The following BBS7 variants were observed in gnomAD, a reference collection of about 807,000 sequenced individuals.
The protein encoded by BBS7 is Bardet-Biedl syndrome 7, also known as BBSome complex member BBS7.
BBS7 carries 50 observed loss-of-function variants against 90.3 expected under a neutral mutation model. That is an observed-to-expected ratio of 0.55 (90% CI 0.44 to 0.70). The LOEUF is 0.70. Ranked by LOEUF, BBS7 falls within the 30% of genes least tolerant of loss-of-function variation. The probability of loss-of-function intolerance (pLI) is 0.00; values close to 1 mark genes in which losing one functional copy is unlikely to be tolerated. For missense variants in BBS7, 729 were observed against 838.9 expected (o/e 0.87, Z 1.62); for synonymous variants, 235 against 287.4 (o/e 0.82, Z 1.85).
rs775220366 is a variant in BBS7 at position 121,828,145 on chromosome 4, C to A, written c.2014+1G>T. 6.2e-7 allele frequency: 1 copy of A among 1,613,744 alleles called. No individual in the cohort carries two copies. The highest frequency in any genetic ancestry group is 1.3e-5 in the African/African-American group (1 of 75,016). ...AAGGTATTCTAGAATGGTCCACTAA[C>A]CATAGAGTCTTTCAAGATGTGCAGG... On this transcript the variant is annotated splice_donor_variant, in intron 18 of 18. Transcript: ENST00000264499. LOFTEE classifies it high-confidence loss of function.
chr4:121,861,392 G>A, intron 4 of BBS7, 112 bp downstream of exon 4: 2 of 1,018,146 alleles, frequency 2.0e-6, no homozygotes, highest in Non-Finnish European at 2.8e-6. Context: ...AATACCTTTA[G>A]TTAATTTTAT....
chr4:121,852,776 A>T (rs1265791868), intron 8 of BBS7, among the ~76,000 whole-genome samples, 180 bp downstream of exon 8: 1 of 152,142 alleles, frequency 6.6e-6, no homozygotes, highest in Non-Finnish European at 1.5e-5. Flanking sequence ...GCTTAAAGGC[A>T]AGAGTCTATT....
At chr4:121,844,888 T>C (rs1725923820) in intron 11 of BBS7, among the ~76,000 whole-genome samples, 1 of 152,168 alleles carries the variant, frequency 6.6e-6, no homozygotes, top group Non-Finnish European at 1.5e-5. Flanking sequence ...CTAAGTCACA[T>C]CTCTGTTAAG....
rs372812418 is a variant in BBS7 at position 121,841,642 on chromosome 4, C to T, written c.1306-1946G>A. On this transcript the variant is annotated intron_variant, in intron 12 of 18. Transcript: ENST00000264499. ...GCAAGTTATTATACTAGTCTTTCTACTTTTGTGTATACTTGAAACCTCCAT... is the reference window on the plus strand; with the variant it reads ...GCAAGTTATTATACTAGTCTTTCTATTTTTGTGTATACTTGAAACCTCCAT... Among the ~76,000 whole-genome samples the T allele has an allele frequency of 1.7e-4, 26 of 151,978 alleles. 1 individual carries two copies. The East Asian group carries it at 3.9e-3, about 23-fold the overall frequency.
intron 5 of BBS7, among the ~76,000 whole-genome samples, chr4:121,855,969 T>C (rs901924354): frequency 8.0e-5 from 9 of 112,654 alleles, no homozygotes; most frequent in Non-Finnish European, 2.1e-5. Flanking sequence ...TGTGTATATA[T>C]ATATATATAA....
chr4:121,868,089 T>TTA (rs1388068718), intron 1 of BBS7, 43 bp from the exon 2 acceptor site: 1 of 1,482,824 alleles, frequency 6.7e-7, no homozygotes, highest in South Asian at 1.1e-5. Context: ...AATTTGAAGT[T>TTA]ATTACAGAGA....
At chr4:121,847,233 C>T (rs1225225555) in intron 10 of BBS7, among the ~76,000 whole-genome samples, 171 bp downstream of exon 10, 1 of 152,180 alleles carries the variant, frequency 6.6e-6, no homozygotes, top group African/African-American at 2.4e-5. Flanking sequence ...AAATATTAAT[C>T]AGCACTTACG....
At chr4:121,834,045 A>G (rs1346182490) in intron 14 of BBS7, among the ~76,000 whole-genome samples, 1 of 152,182 alleles carries the variant, frequency 6.6e-6, no homozygotes, top group Admixed American at 6.5e-5. Context: ...TCTTCCTGAA[A>G]TATGGGATCA....
At chr4:121,855,630 C>T in intron 5 of BBS7, 69 bp from the exon 6 acceptor site, 2 of 1,288,770 alleles carry the variant, frequency 1.6e-6, no homozygotes, top group East Asian at 2.3e-5. Flanking sequence ...TCATGAATAA[C>T]ATCAATATTC....
At chr4:121,869,648 C>A (rs1056645798) in intron 1 of BBS7, among the ~76,000 whole-genome samples, 5 of 152,170 alleles carry the variant, frequency 3.3e-5, no homozygotes, top group Admixed American at 1.3e-4. Context: ...AAGCGATTCT[C>A]CTGCCTTAAC....
Position 121,853,031 on chromosome 4 carries a change from A to G in BBS7, c.774T>C (p.Leu258=), listed in dbSNP as rs1726406924. 3.1e-6 allele frequency: 5 copies of G among 1,613,742 alleles called. No homozygotes were observed. Among genetic ancestry groups the G allele is most frequent in the South Asian group, 2.2e-5 (2 of 91,068 alleles). ...DIVGDGVKDL[L]VGRDDGMVEV... is the part of the protein sequence containing the mutation. Reference sequence around the variant, plus strand: ...CCACCATTCCGTCATCTCTCCCAACAAGTAAATCTTTAACCCCATCACCCA... The same window carrying G: ...CCACCATTCCGTCATCTCTCCCAACGAGTAAATCTTTAACCCCATCACCCA... Residue 258 remains leucine, a synonymous_variant, in exon 8 of 19, where the codon CTT becomes CTC. Transcript: ENST00000264499.
In BBS7 at chr4:121,825,484, A is replaced by AAT. The variant is rs1183347109; in HGVS notation, c.*374_*375dup. The AAT allele has an allele frequency of 6.3e-6, 1 of 158,192 alleles. No homozygotes were observed. The highest frequency in any genetic ancestry group is 1.4e-5 in the Non-Finnish European group (1 of 72,108). The allele number at this position is 158,192 out of a possible 1,614,324, so 9.8% of individuals were successfully genotyped here. Reference sequence around the variant, plus strand: ...AAGATCAAATAAGGTAATATATAAAAATACATTTTGAAGCCTATAAAGCGG... The same window carrying AAT: ...AAGATCAAATAAGGTAATATATAAAAATATACATTTTGAAGCCTATAAAGCGG... On this transcript the variant is annotated 3_prime_UTR_variant, in exon 19 of 19. Transcript: ENST00000264499.
chr4:121,849,450 C>T (rs1037178509), intron 8 of BBS7, among the ~76,000 whole-genome samples: 4 of 152,188 alleles, frequency 2.6e-5, no homozygotes, highest in Non-Finnish European at 5.9e-5. Flanking sequence ...AATCTGCCAC[C>T]TTGGCCTCCC....
chr4:121,848,896 AC>A lies in BBS7; in HGVS notation c.881del (p.Gly294ValfsTer4), dbSNP rs1256378449. 2 of 1,613,792 alleles carry A rather than the reference AC, an allele frequency of 1.2e-6. No individual in the cohort carries two copies. Among genetic ancestry groups the A allele is most frequent in the Non-Finnish European group, 1.7e-6 (2 of 1,180,002 alleles). Reference sequence around the variant, plus strand: ...CATAGCTGTCTTTTCCTACACAACCACCCTGGATAGATGTGACGCTTTCAGA... The same window carrying A: ...CATAGCTGTCTTTTCCTACACAACCACCTGGATAGATGTGACGCTTTCAGA... ...MLSESVTSIQ[G>X]GCVGKDSYDE... On this transcript the variant is annotated frameshift_variant, in exon 9 of 19. Coordinates refer to ENST00000264499, the MANE Select transcript of BBS7 (RefSeq NM_176824.3). LOFTEE classifies it high-confidence loss of function.
At position 121,847,477 on chromosome 4, in the gene BBS7, T is replaced by C. The variant is rs762359988; in HGVS notation, c.964A>G (p.Ile322Val). 3.1e-6 allele frequency: 5 copies of C among 1,613,528 alleles called. No homozygotes were observed. The highest frequency in any genetic ancestry group is 1.1e-5 in the South Asian group (1 of 91,082). ...TCTCCTGGTCCACTTTCCTTATGAA[T>C]GGGCTCTGTTGTCAGACCTGTAACC... is the stretch of plus-strand genomic sequence containing the variant. ...GWVTGLTTEP[I>V]HKESGPGEEL... Residue 322 changes from isoleucine to valine, a missense_variant, in exon 10 of 19, where the codon ATT (isoleucine) becomes GTT (valine). Ile to Val is a conservative substitution (Grantham distance 29). Transcript: ENST00000264499.
intron 5 of BBS7, 142 bp downstream of exon 5, chr4:121,858,848 AAT>A (rs755475299): frequency 6.5e-5 from 50 of 766,458 alleles, no homozygotes; most frequent in African/African-American, 3.3e-4. Flanking sequence ...TAAAAAAATT[AAT>A]ATGTCAAATT....
rs544819963 is a variant in BBS7 at position 121,828,090 on chromosome 4, G to A, written c.2014+56C>T. 7 of 1,607,566 alleles carry A rather than the reference G, an allele frequency of 4.4e-6. No individual in the cohort carries two copies. The East Asian group carries it at 1.3e-4, about 31-fold the overall frequency. On this transcript the variant is annotated intron_variant, in intron 18 of 18. Coordinates refer to ENST00000264499, the MANE Select transcript of BBS7 (RefSeq NM_176824.3). ...GCCCAGCTTCTCTTACATGATCCTT[G>A]GGAAATAGCCAGTTGAAAAGAAATA...
At chr4:121,838,253 A>T (rs2149060188) in intron 13 of BBS7, among the ~76,000 whole-genome samples, 1 of 152,228 alleles carries the variant, frequency 6.6e-6, no homozygotes, top group Non-Finnish European at 1.5e-5. Context: ...TTCAAAGTAC[A>T]TAAAAGGGAA....
chr4:121,843,295 C>T (rs988314219), intron 12 of BBS7, among the ~76,000 whole-genome samples: 1 of 152,194 alleles, frequency 6.6e-6, no homozygotes, highest in Admixed American at 6.5e-5. Context: ...GGAAGGAAGA[C>T]GTCTCTGGTG....
Sources: gnomAD v4.1 joint callset for allele counts (sites outside exome capture counted in the v4.1 genomes callset) on GRCh38, gnomAD v4.1.1 for gene constraint, MANE v1.5 for transcripts, NCBI Gene and HGNC (gene_info 2026-07-23, HGNC 2026-07-21) for gene names.